The following ANO1 variants were observed in gnomAD, a reference collection of about 807,000 sequenced individuals.
The protein encoded by ANO1 is anoctamin 1, also known as anoctamin-1.
In ANO1, 59 loss-of-function variants were observed where a neutral mutation model predicts 124.0. The ratio of observed to expected loss-of-function variants is 0.48; its 90% CI spans 0.39 to 0.59. The LOEUF (loss-of-function observed/expected upper bound fraction) is 0.59. Ranked by LOEUF, ANO1 falls within the 20% of genes least tolerant of loss-of-function variation. ANO1 has a pLI of 0.00. For missense variants in ANO1, 1,059 were observed against 1,328.0 expected (o/e 0.80, Z 3.15); for synonymous variants, 529 against 532.0 (o/e 0.99, Z 0.08).
intron 1 of ANO1, chr11:70,085,350 A>C: frequency 1.9e-5 from 26 of 1,369,532 alleles, no homozygotes; most frequent in Middle Eastern, 2.7e-4. Context: ...ACCCACCCAC[A>C]TGGGCGTGGT....
intron 1 of ANO1, among the ~76,000 whole-genome samples, chr11:70,024,678 C>T (rs1856861412): frequency 6.6e-6 from 1 of 152,200 alleles, no homozygotes; most frequent in Admixed American, 6.5e-5. Context: ...ACTCGGGCTC[C>T]CAAGTTCTTC....
chr11:70,142,161 C>T (rs981380595), intron 11 of ANO1, among the ~76,000 whole-genome samples: 2 of 152,200 alleles, frequency 1.3e-5, no homozygotes, highest in African/African-American at 2.4e-5. Context: ...GAAATTATAG[C>T]ATAATAATGG....
At chr11:70,040,752 G>A (rs946597819) in intron 1 of ANO1, among the ~76,000 whole-genome samples, 1 of 152,184 alleles carries the variant, frequency 6.6e-6, no homozygotes, top group Non-Finnish European at 1.5e-5. Flanking sequence ...GCTGCAGCAC[G>A]ATCTGTGAAG....
upstream of ANO1, among the ~76,000 whole-genome samples, chr11:69,985,628 G>T (rs1233694447): frequency 1.3e-5 from 2 of 152,214 alleles, no homozygotes; most frequent in African/African-American, 4.8e-5. Flanking sequence ...GGCCCTGGCT[G>T]GGGGTGCACC....
At chr11:70,091,306 T>G (rs1156479964) in intron 2 of ANO1, among the ~76,000 whole-genome samples, 1 of 152,134 alleles carries the variant, frequency 6.6e-6, no homozygotes, top group Non-Finnish European at 1.5e-5. Context: ...GAAGCAAAAT[T>G]CAGGGCTTAT....
chr11:70,165,652 T>C, intron 20 of ANO1, 82 bp downstream of exon 20: 1 of 1,146,772 alleles, frequency 8.7e-7, no homozygotes, highest in East Asian at 2.6e-5. Context: ...GGGGTCTGGG[T>C]GGACGCGGGG....
intron 11 of ANO1, among the ~76,000 whole-genome samples, chr11:70,133,372 A>C (rs748460704): frequency 1.3e-5 from 2 of 152,162 alleles, no homozygotes; most frequent in Non-Finnish European, 2.9e-5. Flanking sequence ...AGCACCTCGA[A>C]GTATGGCCTG....
intron 1 of ANO1, among the ~76,000 whole-genome samples, chr11:70,028,638 C>T (rs1419855457): frequency 6.6e-6 from 1 of 152,146 alleles, no homozygotes; most frequent in Non-Finnish European, 1.5e-5. Context: ...GAAGCTTCCC[C>T]TCCTTCTCCT....
upstream of ANO1, chr11:70,074,855 C>T (rs1555009805): frequency 6.6e-6 from 1 of 152,308 alleles, no homozygotes; most frequent in East Asian, 1.9e-4. Context: ...CCCACACATC[C>T]ACTGTGCTGA....
intron 11 of ANO1, among the ~76,000 whole-genome samples, chr11:70,146,558 T>C (rs1299072427): frequency 6.6e-6 from 1 of 152,012 alleles, no homozygotes; most frequent in Non-Finnish European, 1.5e-5. Context: ...TAATAGGATA[T>C]TGTACATATG....
intron 7 of ANO1, among the ~76,000 whole-genome samples, chr11:70,114,405 G>A (rs900855375): frequency 2.0e-5 from 3 of 152,214 alleles, no homozygotes; most frequent in Non-Finnish European, 4.4e-5. Context: ...CCTGAGCCGC[G>A]TGCACCCATG....
chr11:69,999,325 A>G (rs1191316827), intron 1 of ANO1, among the ~76,000 whole-genome samples: 1 of 152,144 alleles, frequency 6.6e-6, no homozygotes, highest in African/African-American at 2.4e-5. Flanking sequence ...TCTCATGAGG[A>G]CAGTACCAAG....
At chr11:70,084,142 G>T (rs116016887) in intron 1 of ANO1, among the ~76,000 whole-genome samples, 1 of 152,122 alleles carries the variant, frequency 6.6e-6, no homozygotes, top group Admixed American at 6.5e-5. Context: ...GCCCTCAGGC[G>T]CACCTGGGAC....
chr11:70,074,923 G>C (rs1236720746), upstream of ANO1: 4 of 152,250 alleles, frequency 2.6e-5, no homozygotes, highest in Non-Finnish European at 4.4e-5. Context: ...TTGCCTCCCT[G>C]GCCTGGACTC....
intron 1 of ANO1, among the ~76,000 whole-genome samples, chr11:69,992,099 G>A (rs1415909820): frequency 6.6e-6 from 1 of 152,218 alleles, no homozygotes; most frequent in African/African-American, 2.4e-5. Flanking sequence ...CCAGGGCCTG[G>A]CCATGGCAGG....
At chr11:70,125,583 G>A (rs11821007) in intron 9 of ANO1, among the ~76,000 whole-genome samples, 3,322 of 151,402 alleles carry the variant, frequency 0.022, 135 homozygotes, top group African/African-American at 0.078. Context: ...GGTGGCTCAC[G>A]CCTGTAATCC....
At chr11:70,105,881 G>T in intron 5 of ANO1, 93 bp downstream of exon 5, 1 of 1,299,054 alleles carries the variant, frequency 7.7e-7, no homozygotes, top group Admixed American at 1.8e-5. Context: ...CCTCCCGGTG[G>T]AAGCCGGCTC....
chr11:70,009,643 G>A (rs1856554082), intron 1 of ANO1, among the ~76,000 whole-genome samples: 1 of 152,172 alleles, frequency 6.6e-6, no homozygotes, highest in Non-Finnish European at 1.5e-5. Context: ...GGTTTCAATG[G>A]TTGGGAAGGT....
At chr11:70,016,431 G>A (rs1856705319) in intron 1 of ANO1, 1 of 152,284 alleles carries the variant, frequency 6.6e-6, no homozygotes, top group South Asian at 2.1e-4. Flanking sequence ...GCTTACCTAT[G>A]CTGTTGAACC....
Sources: gnomAD v4.1 joint callset for allele counts (sites outside exome capture counted in the v4.1 genomes callset) on GRCh38, gnomAD v4.1.1 for gene constraint, MANE v1.5 for transcripts, NCBI Gene and HGNC (gene_info 2026-07-23, HGNC 2026-07-21) for gene names.